The following ZNF391 variants were observed in gnomAD, a reference collection of about 807,000 sequenced individuals.
The protein encoded by ZNF391 is zinc finger protein 391.
For missense variants in ZNF391, 375 were observed against 425.5 expected, an observed-to-expected ratio of 0.88 and a Z score of 1.04; for synonymous variants, 126 against 142.1, an observed-to-expected ratio of 0.89 and a Z score of 0.80.
chr6:27,386,173 A>G (rs543018938), upstream of ZNF391, among the ~76,000 whole-genome samples: 1 of 152,304 alleles, frequency 6.6e-6, no homozygotes, highest in South Asian at 2.1e-4. Flanking sequence ...ACATATTAGA[A>G]ATAGCATAAA....
Position 27,401,287 on chromosome 6 carries a change from A to T in ZNF391, c.917A>T (p.Glu306Val), listed in dbSNP as rs1354771696. 6.2e-7 allele frequency: 1 copy of T among 1,613,972 alleles called. No homozygotes were observed. Among genetic ancestry groups the T allele is most frequent in the Admixed American group, 1.7e-5 (1 of 59,998 alleles). The stretch of plus-strand genomic sequence containing the variant: ...ATCCACAGTGGAGAAAAGCCTCACG[A>T]GTGTAGAGTGTGTGGAAAGGGCTTC... ...QRIHSGEKPHECRVCGKGFSR... is the reference protein window; with the variant it reads ...QRIHSGEKPHVCRVCGKGFSR... The change falls in exon 3 of 3, where the codon GAG becomes GTG. Residue 306 changes from glutamate (E) to valine (V), a missense_variant. Glu to Val is a moderately radical substitution (Grantham distance 121). Transcript: ENST00000244576.
intron 1 of ZNF391, among the ~76,000 whole-genome samples, chr6:27,397,781 C>T (rs1324299741): frequency 6.6e-6 from 1 of 152,156 alleles, no homozygotes; most frequent in African/African-American, 2.4e-5. Context: ...AGGCATGCAC[C>T]ACCATGCCCA....
At position 27,397,011 on chromosome 6, in the gene ZNF391, A is replaced by C. The variant is rs151317879; in HGVS notation, c.-187-2431A>C. ...GTCTCCCTAGGATGCCATCTTGAGG[A>C]GCACTGTAATAAAAGAGAGAGGTTA... On this transcript the variant is annotated intron_variant, in intron 1 of 2. Coordinates refer to ENST00000244576, the MANE Select transcript of ZNF391 (RefSeq NM_001076781.3). 1.3e-3 allele frequency among the ~76,000 whole-genome samples: 204 copies of C among 152,300 alleles called. 2 individuals are homozygous for C. Among genetic ancestry groups the C allele is most frequent in the African/African-American group, 4.8e-3 (200 of 41,556 alleles).
At chr6:27,382,143 C>T (rs184032909) in intron 1 of ZNF391, among the ~76,000 whole-genome samples, 4 of 151,976 alleles carry the variant, frequency 2.6e-5, no homozygotes, top group African/African-American at 7.3e-5. Context: ...AGGAACCTGG[C>T]CAACATGGTG....
At position 27,376,699 on chromosome 6, in the gene ZNF391, T is replaced by G. The variant is rs1301138786; in HGVS notation, n.523+1562T>G. Among the ~76,000 whole-genome samples, 1 of 151,756 alleles carries G rather than the reference T, an allele frequency of 6.6e-6. No individual in the cohort carries two copies. The highest frequency in any genetic ancestry group is 2.4e-5 in the African/African-American group (1 of 41,270). On this transcript the variant is annotated intron_variant and non_coding_transcript_variant, in intron 1 of 2. Coordinates refer to the ZNF391 transcript ENST00000477999. The surrounding 1 kb of genome is among the most constrained non-coding windows in gnomAD (Gnocchi z 4.7). ...GGTGAAACCCCATCTCTACTAAAAA[T>G]ACAAAAAAATTAGCTAGATGTAATG...
chr6:27,391,292 C>T (rs1471164245), intron 1 of ZNF391, among the ~76,000 whole-genome samples: 1 of 148,664 alleles, frequency 6.7e-6, no homozygotes, highest in Non-Finnish European at 1.5e-5. Flanking sequence ...GCAACCTCCG[C>T]CTGCTGGGTT....
upstream of ZNF391, among the ~76,000 whole-genome samples, chr6:27,387,805 G>A (rs776869316): frequency 1.3e-5 from 2 of 152,124 alleles, no homozygotes; most frequent in Non-Finnish European, 2.9e-5. Flanking sequence ...AGATAGTGAC[G>A]GTGCTGTTGT....
Position 27,400,334 on chromosome 6 carries a change from G to T in ZNF391, c.-37G>T. The stretch of plus-strand genomic sequence containing the variant: ...TGAACCAAAGCATCAACACCAATCA[G>T]ACTGTTTCCGAAGAACTAGAGTTTT... On this transcript the variant is annotated 5_prime_UTR_variant, in exon 3 of 3. Transcript: ENST00000244576. 1.3e-6 allele frequency: 2 copies of T among 1,519,646 alleles called. No individual in the cohort carries two copies. Among genetic ancestry groups the T allele is most frequent in the South Asian group, 2.5e-5 (2 of 78,500 alleles). The allele number at this position is 1,519,646 out of a possible 1,614,324, so 94.1% of individuals were successfully genotyped here.
chr6:27,399,177 G>T (rs918459089), intron 1 of ZNF391, among the ~76,000 whole-genome samples: 4 of 152,276 alleles, frequency 2.6e-5, no homozygotes, highest in African/African-American at 9.6e-5. Flanking sequence ...CCAAAGCAAG[G>T]TTCAGATATC....
At chr6:27,377,128 A>G (rs1761430056) in intron 1 of ZNF391, among the ~76,000 whole-genome samples, 2 of 152,220 alleles carry the variant, frequency 1.3e-5, no homozygotes, top group African/African-American at 4.8e-5. Flanking sequence ...TGCCATGAGG[A>G]TTCAAATAAA....
chr6:27,389,401 A>G (rs1269664668), intron 1 of ZNF391: 1 of 456,256 alleles, frequency 2.2e-6, no homozygotes, highest in Admixed American at 2.4e-5. Flanking sequence ...GAGTGCAGGC[A>G]CTGCTCCAAG....
intron 1 of ZNF391, among the ~76,000 whole-genome samples, chr6:27,380,544 T>A (rs1449171770): frequency 6.6e-6 from 1 of 152,174 alleles, no homozygotes; most frequent in Admixed American, 6.5e-5. Flanking sequence ...AACAACAAAC[T>A]TCTACAGTGT....
intron 1 of ZNF391, among the ~76,000 whole-genome samples, chr6:27,379,669 A>G (rs1761468409): frequency 6.6e-6 from 1 of 152,230 alleles, no homozygotes; most frequent in Non-Finnish European, 1.5e-5. Context: ...AATGAGTATC[A>G]GAGAAAATTC....
intron 1 of ZNF391, among the ~76,000 whole-genome samples, chr6:27,383,395 A>T (rs1256279265): frequency 6.6e-6 from 1 of 152,214 alleles, no homozygotes; most frequent in Non-Finnish European, 1.5e-5. Context: ...CACTGAGCAA[A>T]ATAAATGCCC....
chr6:27,397,437 C>T (rs1430232226), intron 1 of ZNF391, among the ~76,000 whole-genome samples: 1 of 152,148 alleles, frequency 6.6e-6, no homozygotes, highest in Non-Finnish European at 1.5e-5. Flanking sequence ...TTGGGAATCA[C>T]ATTTTTTTCT....
upstream of ZNF391, among the ~76,000 whole-genome samples, chr6:27,386,575 G>C (rs1360390245): frequency 2.0e-5 from 3 of 152,058 alleles, no homozygotes; most frequent in Non-Finnish European, 4.4e-5. Flanking sequence ...CAATAAAATA[G>C]AAAAGAGAGC....
At position 27,388,923 on chromosome 6, in the gene ZNF391, G is replaced by A. The variant is rs1017982550; in HGVS notation, c.-340G>A. On this transcript the variant is annotated 5_prime_UTR_variant, in exon 1 of 3. Coordinates refer to ENST00000244576, the MANE Select transcript of ZNF391 (RefSeq NM_001076781.3). ...GGAACCTGATGGGCGTTGGAGCAGC[G>A]GTTCGACGCATGGGTTTCTCTTTAA... 2 of 456,362 alleles carry A rather than the reference G, an allele frequency of 4.4e-6. No homozygotes were observed. The highest frequency in any genetic ancestry group is 8.8e-6 in the Non-Finnish European group (2 of 226,886). 28.3% of individuals were successfully genotyped at this position (456,362 alleles called of 1,614,324 possible).
Position 27,401,391 on chromosome 6 carries a change from G to C in ZNF391, c.1021G>C (p.Ala341Pro), listed in dbSNP as rs1761965288. The C allele has an allele frequency of 3.1e-6, 5 of 1,613,080 alleles. No individual in the cohort carries two copies. The change falls in exon 3 of 3, where the codon GCC becomes CCC. Residue 341 changes from alanine (A) to proline (P), a missense_variant. By Grantham distance (27) the Ala-to-Pro change is conservative. Transcript: ENST00000244576. Reference sequence around the variant, plus strand: ...GTACAAATGTAATGACTGTGGAAAAGCCTTCTGTCAGAGTTCAACTCTGAT... The same window carrying C: ...GTACAAATGTAATGACTGTGGAAAACCCTTCTGTCAGAGTTCAACTCTGAT... ...KPYKCNDCGK[A>P]FCQSSTLIRH...
intron 1 of ZNF391, among the ~76,000 whole-genome samples, chr6:27,380,403 C>T (rs1245834531): frequency 6.6e-6 from 1 of 151,220 alleles, no homozygotes; most frequent in African/African-American, 2.4e-5. Flanking sequence ...TAGAGTTGTT[C>T]GTTTCTCCCG....
Sources: gnomAD v4.1 joint callset for allele counts (sites outside exome capture counted in the v4.1 genomes callset) on GRCh38, gnomAD v4.1.1 for gene constraint, Gnocchi (gnomAD v3.1) non-coding constraint, MANE v1.5 for transcripts, NCBI Gene and HGNC (gene_info 2026-07-23, HGNC 2026-07-21) for gene names.